SYNJ2: variants seen among roughly 807,000 people sequenced by gnomAD.
The protein encoded by SYNJ2 is polyphosphatidylinositol phosphatase SYNJ2.
SYNJ2 carries 116 observed loss-of-function variants against 141.3 expected under a neutral mutation model. The ratio of observed to expected loss-of-function variants is 0.82; its 90% CI spans 0.71 to 0.96. The LOEUF (loss-of-function observed/expected upper bound fraction) is 0.96. Among genes scored for constraint, SYNJ2 ranks in the 40% least tolerant of loss-of-function variants. SYNJ2 has a pLI of 0.00. For synonymous variants in SYNJ2, 745 were observed against 777.7 expected (o/e 0.96, Z 0.70); for missense variants, 1,873 against 1,934.8 (o/e 0.97, Z 0.60).
intron 1 of SYNJ2, 194 bp from the exon 2 acceptor site, chr6:158,017,010 G>C: frequency 2.3e-6 from 3 of 1,280,152 alleles, no homozygotes; most frequent in Non-Finnish European, 3.0e-6. Context: ...CTGTTGGTGG[G>C]AAGGTCTGAA....
intron 1 of SYNJ2, among the ~76,000 whole-genome samples, chr6:158,013,148 G>A (rs982142785): frequency 1.3e-5 from 2 of 152,180 alleles, no homozygotes; most frequent in Admixed American, 1.3e-4. Context: ...TTGGAAGGCC[G>A]AGACGGGCAG....
intron 5 of SYNJ2, among the ~76,000 whole-genome samples, chr6:158,051,654 A>T (rs951969845): frequency 6.6e-6 from 1 of 151,790 alleles, no homozygotes; most frequent in African/African-American, 2.4e-5. Flanking sequence ...CTGTTTATAT[A>T]AAAAAAACCT....
chr6:158,033,414 A>T (rs1202012541), intron 3 of SYNJ2, 41 bp from the exon 4 acceptor site: 1 of 1,598,772 alleles, frequency 6.3e-7, no homozygotes, highest in African/African-American at 1.3e-5. Flanking sequence ...GTATTGGAGG[A>T]TGTCAAGTGA....
At position 158,069,588 on chromosome 6, in the gene SYNJ2, C is replaced by T. The variant is rs1016044903; in HGVS notation, c.1855C>T (p.His619Tyr). ...GCTTCAGAAAGCCATCTCACGCTCT[C>T]ATAGATACATTCTGTTGACTTCGGC... The part of the protein sequence containing the change: ...EQLQKAISRS[H>Y]RYILLTSAQL... The change falls in exon 14 of 27, where the codon CAT becomes TAT. Residue 619 changes from histidine to tyrosine, a missense_variant. Transcript: ENST00000355585. 5.6e-6 allele frequency: 9 copies of T among 1,613,992 alleles called. No individual in the cohort carries two copies. The Admixed American group carries it at 1.5e-4, about 27-fold the overall frequency.
rs1781830686 is a variant in SYNJ2, at chr6:158,070,177, G to A, written c.1940+504G>A. 1 of 985,622 alleles carries A rather than the reference G, an allele frequency of 1.0e-6. No individual in the cohort carries two copies. The highest frequency in any genetic ancestry group is 1.7e-5 in the African/African-American group (1 of 57,356). The allele number at this position is 985,622 out of a possible 1,614,324, so 61.1% of individuals were successfully genotyped here. On this transcript the variant is annotated intron_variant, in intron 14 of 26. Coordinates refer to ENST00000355585, the MANE Select transcript of SYNJ2 (RefSeq NM_003898.4). The surrounding 1 kb of genome is among the most constrained non-coding windows in gnomAD (Gnocchi z 4.0). Reference sequence around the variant, plus strand: ...GCGGCATTCCTCTTGGGGTGTGGGTGTGGGTGTTTGGATGCTGGAGGAACT... The same window carrying A: ...GCGGCATTCCTCTTGGGGTGTGGGTATGGGTGTTTGGATGCTGGAGGAACT...
At chr6:158,047,387 G>C (rs1484151778) in intron 5 of SYNJ2, among the ~76,000 whole-genome samples, 2 of 152,200 alleles carry the variant, frequency 1.3e-5, no homozygotes, top group Admixed American at 6.5e-5. Flanking sequence ...GTGTGTTTGA[G>C]AGGCTCTTAT....
At chr6:157,992,589 G>C (rs1777490782) in intron 1 of SYNJ2, among the ~76,000 whole-genome samples, 1 of 151,750 alleles carries the variant, frequency 6.6e-6, no homozygotes, top group Non-Finnish European at 1.5e-5. Flanking sequence ...GTAGAGACAG[G>C]GTTTCACCAT....
chr6:158,034,794 C>T (rs1306780048), intron 4 of SYNJ2, among the ~76,000 whole-genome samples: 1 of 152,138 alleles, frequency 6.6e-6, no homozygotes, highest in Non-Finnish European at 1.5e-5. Flanking sequence ...GGTTGTCTTC[C>T]AGGGTTTTTA....
At chr6:157,981,728 G>C (rs533119038), upstream of SYNJ2, among the ~76,000 whole-genome samples, 10 of 151,784 alleles carry the variant, frequency 6.6e-5, no homozygotes, top group East Asian at 1.9e-4. The surrounding 1 kb of genome is among the most constrained non-coding windows in gnomAD (Gnocchi z 6.4). Flanking sequence ...CTGGCCGCTG[G>C]GGGGAGCGCG....
chr6:158,070,507 G>C lies in SYNJ2; in HGVS notation c.1940+834G>C, dbSNP rs1422502715. On this transcript the variant is annotated intron_variant, in intron 14 of 26. Transcript: ENST00000355585. The surrounding 1 kb of genome is among the most constrained non-coding windows in gnomAD (Gnocchi z 4.0). ...CAGTGTCCTAGGTTAGCAGGTGAAG[G>C]TTAGTAAAGGTTAAAGGCAAGGGCG... 1 of 985,358 alleles carries C rather than the reference G, an allele frequency of 1.0e-6. No homozygotes were observed. Among genetic ancestry groups the C allele is most frequent in the Non-Finnish European group, 1.2e-6 (1 of 830,018 alleles). The allele number at this position is 985,358 out of a possible 1,614,324, so 61.0% of individuals were successfully genotyped here.
intron 1 of SYNJ2, among the ~76,000 whole-genome samples, chr6:158,014,910 A>G (rs1005955097): frequency 4.6e-5 from 7 of 152,174 alleles, no homozygotes; most frequent in African/African-American, 1.4e-4. Flanking sequence ...CTGTCTGACT[A>G]TATTTCCAAT....
chr6:158,049,928 G>A lies in SYNJ2; in HGVS notation c.796-5039G>A, dbSNP rs552184594. Among the ~76,000 whole-genome samples the A allele has an allele frequency of 3.1e-4, 47 of 152,114 alleles. 1 individual carries two copies. The highest frequency in any genetic ancestry group is 6.8e-3 in the Middle Eastern group (2 of 292). On this transcript the variant is annotated intron_variant, in intron 5 of 26. Coordinates refer to ENST00000355585, the MANE Select transcript of SYNJ2 (RefSeq NM_003898.4). ...GGTATGCATGTGGCTCTGCAGGTATGCATGCAGCTCTGCAGGTGGGGACAT... is the reference window on the plus strand; with the variant it reads ...GGTATGCATGTGGCTCTGCAGGTATACATGCAGCTCTGCAGGTGGGGACAT...
intron 8 of SYNJ2, among the ~76,000 whole-genome samples, chr6:158,062,519 C>T (rs77977870): frequency 1.7e-3 from 256 of 152,098 alleles, no homozygotes; most frequent in African/African-American, 5.9e-3. Flanking sequence ...CACGCTGTGA[C>T]GCAGGCCTGT....
At chr6:158,061,564 G>A (rs562316643) in intron 7 of SYNJ2, among the ~76,000 whole-genome samples, 7 of 152,238 alleles carry the variant, frequency 4.6e-5, no homozygotes, top group East Asian at 1.9e-4. Flanking sequence ...GGATGGGGCC[G>A]GTTACTAGGG....
At chr6:158,064,160 G>T (rs1276288853) in intron 9 of SYNJ2, among the ~76,000 whole-genome samples, 3 of 152,200 alleles carry the variant, frequency 2.0e-5, no homozygotes, top group Non-Finnish European at 4.4e-5. Flanking sequence ...AATGATTATC[G>T]TGGATGCACC....
rs758766618 is a variant in SYNJ2, at chr6:158,081,321, T to C, written c.2780T>C (p.Leu927Pro). Residue 927 changes from leucine (L) to proline (P), a missense_variant, in exon 19 of 27, where the codon CTT becomes CCT. Physicochemically the swap from Leu to Pro is moderately conservative, Grantham distance 98. Coordinates refer to ENST00000355585, the MANE Select transcript of SYNJ2 (RefSeq NM_003898.4). ...QTLGSYGTIV[L>P]VRINQGQMLV... ...TTGGGGAGTTATGGGACAATTGTTC[T>C]TGTCAGGTAACTGCTCCCCTGGCTG... 1 of 1,614,020 alleles carries C rather than the reference T, an allele frequency of 6.2e-7. No homozygotes were observed. Among genetic ancestry groups the C allele is most frequent in the African/African-American group, 1.3e-5 (1 of 74,914 alleles).
chr6:158,066,626 G>A lies in SYNJ2; in HGVS notation c.1708G>A (p.Asp570Asn), dbSNP rs148023347. The change falls in exon 12 of 27, where the codon GAC becomes AAC. Residue 570 changes from aspartate to asparagine, a missense_variant. Transcript: ENST00000355585. ...CTCGCCCCAGCTCTCGGGAGCTACC[G>A]ACTCCCAGGGTGAGGGCAGTGACTT... The part of the protein sequence containing the change: ...LDSPQLSGAT[D>N]SQDDSSPADI... 81 of 1,613,320 alleles carry A rather than the reference G, an allele frequency of 5.0e-5. No individual in the cohort carries two copies. Among genetic ancestry groups the A allele is most frequent in the Non-Finnish European group, 6.3e-5 (74 of 1,179,988 alleles).
chr6:157,997,022 A>ACCC (rs1554229446), intron 1 of SYNJ2, among the ~76,000 whole-genome samples: 1 of 94,026 alleles, frequency 1.1e-5, no homozygotes. Flanking sequence ...CTCCCCACCT[A>ACCC]CCCCACCCCC....
intron 2 of SYNJ2, 67 bp downstream of exon 2, chr6:158,017,357 A>T (rs1778512180): frequency 1.3e-6 from 2 of 1,522,108 alleles, no homozygotes; most frequent in Non-Finnish European, 1.8e-6. Flanking sequence ...CTGTGTCGGA[A>T]GGGGCCTCAG....
Sources: allele counts gnomAD v4.1 joint callset (sites outside exome capture counted in the v4.1 genomes callset), GRCh38; gene constraint gnomAD v4.1.1; non-coding constraint Gnocchi (gnomAD v3.1); transcripts MANE v1.5; gene names NCBI Gene and HGNC (gene_info 2026-07-23, HGNC 2026-07-21).